The following PEX7 variants were observed in gnomAD, a reference collection of about 807,000 sequenced individuals.
PEX7 encodes PTS2 receptor.
Under a neutral mutation model 47.5 loss-of-function variants are expected in PEX7, and 34 were observed. The ratio of observed to expected loss-of-function variants is 0.72; its 90% confidence interval spans 0.54 to 0.95. The LOEUF (loss-of-function observed/expected upper bound fraction) is 0.95, where lower values mean the gene tolerates loss of function less well. PEX7 is among the 40% of genes least tolerant of loss of function. The probability of loss-of-function intolerance (pLI) is 0.00; values close to 1 mark genes in which losing one functional copy is unlikely to be tolerated. For missense variants in PEX7, 394 were observed against 400.3 expected, an observed-to-expected ratio of 0.98 and a Z score of 0.13; for synonymous variants, 141 against 148.8, an observed-to-expected ratio of 0.95 and a Z score of 0.38.
intron 9 of PEX7, among the ~76,000 whole-genome samples, chr6:136,906,998 G>A (rs1414729795): frequency 6.6e-6 from 1 of 152,064 alleles, no homozygotes; most frequent in African/African-American, 2.4e-5. Flanking sequence ...ACCATCCTAT[G>A]TAATCCTCTA....
At chr6:136,901,477 G>A (rs1027459015) in intron 9 of PEX7, 3 of 152,418 alleles carry the variant, frequency 2.0e-5, no homozygotes, top group African/African-American at 7.2e-5. Context: ...ATTAGGCCTC[G>A]TTCAATGTGT....
In PEX7 at chr6:136,831,357, G is replaced by GC. The variant is rs747406290; in HGVS notation, c.339+4893dup. On this transcript the variant is annotated intron_variant, in intron 3 of 9. Transcript: ENST00000318471. Reference sequence around the variant, plus strand: ...TCACAAGAACAGCATGGGGGAAACTGCCCCCATGATCCGATCACTTCCTAC... The same window carrying GC: ...TCACAAGAACAGCATGGGGGAAACTGCCCCCCATGATCCGATCACTTCCTAC... Among the ~76,000 whole-genome samples, 73 of 152,266 alleles carry GC rather than the reference G, an allele frequency of 4.8e-4. 1 individual carries two copies. Among genetic ancestry groups the GC allele is most frequent in the Middle Eastern group, 3.4e-3 (1 of 294 alleles).
At chr6:136,845,751 A>AT in intron 4 of PEX7, 59 bp downstream of exon 4, 1 of 1,051,930 alleles carries the variant, frequency 9.5e-7, no homozygotes, top group Non-Finnish European at 1.5e-6. Flanking sequence ...CTTCCACTAA[A>AT]TTTTCTTCTC....
In PEX7 at chr6:136,893,581, T is replaced by C. The variant is rs563084171; in HGVS notation, c.804-4561T>C. ...GAGGCCATGTCTGTCTTGCATATGG[T>C]GCTTAGCACCTACCTGGCACATGGA... On this transcript the variant is annotated intron_variant, in intron 8 of 9. Transcript: ENST00000318471. 3.3e-5 allele frequency among the ~76,000 whole-genome samples: 5 copies of C among 152,344 alleles called. No individual in the cohort carries two copies. The South Asian group carries it at 1.0e-3, about 32-fold the overall frequency.
At chr6:136,894,480 C>T (rs1775610789) in intron 8 of PEX7, among the ~76,000 whole-genome samples, 1 of 152,150 alleles carries the variant, frequency 6.6e-6, no homozygotes, top group Non-Finnish European at 1.5e-5. Context: ...ATTCCAGCTA[C>T]TCAGGAGGCT....
chr6:136,827,006 A>C (rs1270714676), intron 3 of PEX7, among the ~76,000 whole-genome samples: 2 of 152,228 alleles, frequency 1.3e-5, no homozygotes, highest in Non-Finnish European at 2.9e-5. Context: ...TTTGGGCTTC[A>C]GTTGTACTAA....
chr6:136,845,987 A>G lies in PEX7; in HGVS notation c.418-86A>G, dbSNP rs1043443374. On this transcript the variant is annotated intron_variant, in intron 4 of 9. Coordinates refer to ENST00000318471, the MANE Select transcript of PEX7 (RefSeq NM_000288.4). ...ATATTGTATGCATATATATAAATGTATATAGTTTATTGGTGTATGTAGTAT... is the reference window on the plus strand; with the variant it reads ...ATATTGTATGCATATATATAAATGTGTATAGTTTATTGGTGTATGTAGTAT... 2.3e-5 allele frequency: 18 copies of G among 769,558 alleles called. 1 individual carries two copies. In the Middle Eastern group the frequency reaches 8.0e-4, roughly 34 times the overall value. 47.7% of individuals were successfully genotyped at this position (769,558 alleles called of 1,614,324 possible). A position where few individuals can be genotyped will look rare whatever the true frequency, so the allele number is the denominator to read the frequency against.
At chr6:136,861,874 A>G (rs1774969378) in intron 5 of PEX7, among the ~76,000 whole-genome samples, 1 of 147,022 alleles carries the variant, frequency 6.8e-6, no homozygotes, top group East Asian at 2.0e-4. Context: ...ATATATATAA[A>G]TATATATAAA....
At chr6:136,909,567 C>T (rs1198967377) in intron 9 of PEX7, among the ~76,000 whole-genome samples, 1 of 152,052 alleles carries the variant, frequency 6.6e-6, no homozygotes, top group Non-Finnish European at 1.5e-5. Flanking sequence ...TCTAGAGCCT[C>T]TTTGTTAGTT....
intron 3 of PEX7, among the ~76,000 whole-genome samples, chr6:136,842,745 C>T (rs1449131529): frequency 6.6e-6 from 1 of 152,120 alleles, no homozygotes; most frequent in Non-Finnish European, 1.5e-5. Context: ...CAAAATCTAG[C>T]AGGTATGTGA....
chr6:136,845,528 T>C, intron 3 of PEX7, 87 bp from the exon 4 acceptor site: 1 of 794,946 alleles, frequency 1.3e-6, no homozygotes, highest in South Asian at 1.4e-5. Context: ...TTAGTTGTTC[T>C]GCCTCTCATT....
intron 9 of PEX7, chr6:136,901,172 G>C (rs983089412): frequency 6.6e-6 from 1 of 152,628 alleles, no homozygotes; most frequent in African/African-American, 2.4e-5. Context: ...GGCAGCTATA[G>C]GAGAGAGATA....
chr6:136,839,576 T>A (rs375696303), intron 3 of PEX7, among the ~76,000 whole-genome samples: 2 of 152,208 alleles, frequency 1.3e-5, no homozygotes, highest in South Asian at 4.1e-4. Context: ...TAGAGGACCC[T>A]GCTCTTAAAG....
chr6:136,864,449 C>T (rs944619946), intron 5 of PEX7, among the ~76,000 whole-genome samples: 8 of 152,070 alleles, frequency 5.3e-5, no homozygotes, highest in African/African-American at 1.4e-4. Context: ...TGAAGATCAG[C>T]GAAATAACTT....
chr6:136,874,531 G>A (rs1159683040), intron 8 of PEX7, among the ~76,000 whole-genome samples: 2 of 151,706 alleles, frequency 1.3e-5, no homozygotes, highest in Non-Finnish European at 2.9e-5. Context: ...AATTAGCCAC[G>A]CATGATGGCA....
At chr6:136,848,961 G>A (rs1352400729) in intron 5 of PEX7, among the ~76,000 whole-genome samples, 3 of 152,084 alleles carry the variant, frequency 2.0e-5, no homozygotes, top group Non-Finnish European at 4.4e-5. Flanking sequence ...GTAGAATTCG[G>A]CTGTGAATCT....
At chr6:136,829,902 A>T in intron 3 of PEX7, 1 of 662,812 alleles carries the variant, frequency 1.5e-6, no homozygotes, top group Non-Finnish European at 2.7e-6. Flanking sequence ...GTGCCATTGC[A>T]CTCCAGCCTG....
chr6:136,862,751 C>T (rs1774990141), intron 5 of PEX7, among the ~76,000 whole-genome samples: 1 of 152,068 alleles, frequency 6.6e-6, no homozygotes, highest in Non-Finnish European at 1.5e-5. Context: ...CAGAAAAATC[C>T]CAAGTACCTG....
chr6:136,898,974 T>C (rs1472986165), intron 9 of PEX7, among the ~76,000 whole-genome samples: 1 of 152,050 alleles, frequency 6.6e-6, no homozygotes, highest in Non-Finnish European at 1.5e-5. Context: ...GACTGTGAAA[T>C]TGTGCTTTTA....
Sources: gnomAD v4.1 joint callset for allele counts (sites outside exome capture counted in the v4.1 genomes callset) on GRCh38, gnomAD v4.1.1 for gene constraint, MANE v1.5 for transcripts, NCBI Gene and HGNC (gene_info 2026-07-23, HGNC 2026-07-21) for gene names.